ZC3HAV1L: variants seen among roughly 807,000 people sequenced by gnomAD.
The protein encoded by ZC3HAV1L is ZC3HAV1 like, also known as zinc finger CCCH-type antiviral protein 1-like.
In ZC3HAV1L, 23 loss-of-function variants were observed where a neutral mutation model predicts 28.2. That is an observed-to-expected ratio of 0.82 (90% CI 0.59 to 1.16). The LOEUF (loss-of-function observed/expected upper bound fraction) is 1.16. Ranked by LOEUF, ZC3HAV1L falls within the 50% of genes most tolerant of loss-of-function variation. ZC3HAV1L has a pLI of 0.00. For synonymous variants in ZC3HAV1L, 180 were observed against 163.4 expected (o/e 1.10, Z -0.78); for missense variants, 376 against 387.7 (o/e 0.97, Z 0.25).
At chr7:139,023,182 G>GAAAAAA (rs565321825), downstream of ZC3HAV1L, among the ~76,000 whole-genome samples, 126 of 103,120 alleles carry the variant, frequency 1.2e-3, 1 homozygote, top group African/African-American at 3.0e-3. Context: ...AAGGAAAAAA[G>GAAAAAA]AAAAAAAAAA....
rs1392147657 is a variant in ZC3HAV1L at position 139,026,557 on chromosome 7, G to T, written c.890C>A (p.Ser297Tyr). ...AQSAKKPCPV[S>Y]CEK Reference sequence around the variant, plus strand: ...TTTCCATCTTCTTTACTTCTCGCAAGACACTGTGAGGTAGATATTATTATG... The same window carrying T: ...TTTCCATCTTCTTTACTTCTCGCAATACACTGTGAGGTAGATATTATTATG... The change falls in exon 5 of 5, where the codon TCT (serine) becomes TAT (tyrosine). Residue 297 changes from serine (S) to tyrosine (Y), a missense_variant. Coordinates refer to ENST00000275766, the MANE Select transcript of ZC3HAV1L (RefSeq NM_080660.4). 4 of 1,613,394 alleles carry T rather than the reference G, an allele frequency of 2.5e-6. No individual in the cohort carries two copies. The highest frequency in any genetic ancestry group is 3.4e-6 in the Non-Finnish European group (4 of 1,179,354).
intron 2 of ZC3HAV1L, among the ~76,000 whole-genome samples, chr7:139,032,594 G>A (rs1815566900): frequency 6.7e-6 from 1 of 150,280 alleles, no homozygotes; most frequent in Non-Finnish European, 1.5e-5. Flanking sequence ...CTGCACTCCA[G>A]CCTGGGTGAT....
intron 1 of ZC3HAV1L, chr7:139,035,120 G>A (rs1038622379): frequency 3.8e-5 from 37 of 985,354 alleles, no homozygotes; most frequent in Non-Finnish European, 4.2e-5. Flanking sequence ...CCGAACCCCA[G>A]CTCTGGCAGT....
At chr7:139,027,631 T>C (rs1815393857) in intron 3 of ZC3HAV1L, among the ~76,000 whole-genome samples, 1 of 152,188 alleles carries the variant, frequency 6.6e-6, no homozygotes, top group Non-Finnish European at 1.5e-5. Flanking sequence ...GAGTCATGAC[T>C]GTGCCACTGT....
downstream of ZC3HAV1L, among the ~76,000 whole-genome samples, chr7:139,022,973 A>G (rs918834677): frequency 2.6e-5 from 4 of 152,076 alleles, no homozygotes; most frequent in Non-Finnish European, 5.9e-5. Context: ...TGAGGAGTTC[A>G]AGACCAGCCT....
chr7:139,033,732 C>G, intron 2 of ZC3HAV1L: 1 of 985,400 alleles, frequency 1.0e-6, no homozygotes, highest in Non-Finnish European at 1.2e-6. Context: ...AATAAAAACA[C>G]TAAACTTCTA....
Position 139,026,506 on chromosome 7 carries a change from A to G in ZC3HAV1L, c.*38T>C. 1.2e-6 allele frequency: 2 copies of G among 1,612,798 alleles called. No individual in the cohort carries two copies. The highest frequency in any genetic ancestry group is 1.7e-6 in the Non-Finnish European group (2 of 1,179,848). On this transcript the variant is annotated 3_prime_UTR_variant, in exon 5 of 5. Transcript: ENST00000275766. ...TCCCCAACCACCCATGCCCAAATGT[A>G]TTCTTCCAAAAGGACATTTTCTCCT...
downstream of ZC3HAV1L, among the ~76,000 whole-genome samples, chr7:139,025,441 T>C (rs536345502): frequency 4.1e-5 from 5 of 122,374 alleles, no homozygotes; most frequent in South Asian, 1.1e-3. Context: ...AGAGTGAAAC[T>C]CTGTCTCCAA....
intron 1 of ZC3HAV1L, 24 bp from the exon 2 acceptor site, chr7:139,034,702 A>T: frequency 6.2e-7 from 1 of 1,612,654 alleles, no homozygotes; most frequent in Non-Finnish European, 8.5e-7. Context: ...GCCCTCGGTC[A>T]GATGCCCAGG....
chr7:139,035,806 GC>G lies in ZC3HAV1L; in HGVS notation c.211del (p.Ala71ArgfsTer70). The G allele has an allele frequency of 6.7e-7, 1 of 1,486,028 alleles. No individual in the cohort carries two copies. The highest frequency in any genetic ancestry group is 8.9e-7 in the Non-Finnish European group (1 of 1,126,946). 92.1% of individuals were successfully genotyped at this position (1,486,028 alleles called of 1,614,324 possible). A position where few individuals can be genotyped will look rare whatever the true frequency, so the allele number is the denominator to read the frequency against. On this transcript the variant is annotated frameshift_variant, in exon 1 of 5. Transcript: ENST00000275766. LOFTEE classifies it high-confidence loss of function. ...GDAEAEAAAG[A>X]VGGGGTSAWR... ...GGCGGAGGTGCCGCCACCGCCCACC[GC>G]GCCGGCCGCCGCCTCGGCCTCCGCG...
chr7:139,028,539 A>G (rs972955255), intron 3 of ZC3HAV1L, among the ~76,000 whole-genome samples, 163 bp downstream of exon 3: 1 of 152,184 alleles, frequency 6.6e-6, no homozygotes, highest in Non-Finnish European at 1.5e-5. Flanking sequence ...TCTATACAAT[A>G]CAATGTTGCC....
At chr7:139,029,007 T>A in intron 2 of ZC3HAV1L, 47 bp from the exon 3 acceptor site, 1 of 1,572,266 alleles carries the variant, frequency 6.4e-7, no homozygotes, top group Non-Finnish European at 8.6e-7. Flanking sequence ...TTTTCTTTTT[T>A]TTTTGGCAGC....
chr7:139,025,782 A>G lies in ZC3HAV1L; in HGVS notation c.*762T>C, dbSNP rs549056439. ...AGCATCTATAAGCTAAGCAAAAGTA[A>G]AAAATAGCTGGAAAAATTCAATATT... On this transcript the variant is annotated 3_prime_UTR_variant, in exon 5 of 5. Coordinates refer to ENST00000275766, the MANE Select transcript of ZC3HAV1L (RefSeq NM_080660.4). The G allele has an allele frequency of 1.3e-5, 2 of 152,300 alleles. No homozygotes were observed. The highest frequency in any genetic ancestry group is 4.1e-4 in the South Asian group (2 of 4,822). The allele number at this position is 152,300 out of a possible 1,614,324, so 9.4% of individuals were successfully genotyped here. A position where few individuals can be genotyped will look rare whatever the true frequency, so the allele number is the denominator to read the frequency against.
downstream of ZC3HAV1L, among the ~76,000 whole-genome samples, chr7:139,024,983 T>C (rs369631901): frequency 7.4e-6 from 1 of 135,944 alleles, no homozygotes; most frequent in Non-Finnish European, 1.6e-5. Context: ...GCTGGGTAGG[T>C]GGAGAGCAGG....
rs182125955 is a variant in ZC3HAV1L at position 139,031,134 on chromosome 7, G to A, written c.502-2174C>T. 2.4e-3 allele frequency among the ~76,000 whole-genome samples: 371 copies of A among 152,272 alleles called. 1 individual carries two copies. Among genetic ancestry groups the A allele is most frequent in the Non-Finnish European group, 4.4e-3 (302 of 68,028 alleles). ...ATTCTAAAGCTTATCTGGAAAAGGA[G>A]ACATGAACTGATTAAACAAACAAAC... On this transcript the variant is annotated intron_variant, in intron 2 of 4. Transcript: ENST00000275766.
intron 1 of ZC3HAV1L, chr7:139,035,451 G>T (rs145831404): frequency 2.0e-6 from 2 of 985,404 alleles, no homozygotes; most frequent in African/African-American, 3.5e-5. Context: ...CGTCTCCATG[G>T]AGAGGACCTT....
chr7:139,023,182 GAAAA>G (rs565321825), downstream of ZC3HAV1L, among the ~76,000 whole-genome samples: 5 of 103,120 alleles, frequency 4.8e-5, no homozygotes, highest in Non-Finnish European at 7.3e-5. Context: ...AAGGAAAAAA[GAAAA>G]AAAAAAAAAA....
chr7:139,032,656 TAAAAATAAAATAAAATAAATA>T (rs1400301294), intron 2 of ZC3HAV1L, among the ~76,000 whole-genome samples: 10 of 145,946 alleles, frequency 6.9e-5, no homozygotes, highest in Non-Finnish European at 4.5e-5. Flanking sequence ...AAAATAAAAA[TAAAAATAAAATAAAATAAATA>T]AAAAATAAAA....
chr7:139,034,148 T>TA, intron 2 of ZC3HAV1L: 1 of 985,416 alleles, frequency 1.0e-6, no homozygotes, highest in Non-Finnish European at 1.2e-6. Flanking sequence ...TGAAATGCAT[T>TA]AGAGTTAAAA....
Sources: allele counts gnomAD v4.1 joint callset (sites outside exome capture counted in the v4.1 genomes callset), GRCh38; gene constraint gnomAD v4.1.1; transcripts MANE v1.5; gene names NCBI Gene and HGNC (gene_info 2026-07-23, HGNC 2026-07-21).